The following TPD52 variants were observed in gnomAD, a reference collection of about 807,000 sequenced individuals.
The protein encoded by TPD52 is tumor protein D52, also known as prostate and colon associated protein.
TPD52 carries 17 observed loss-of-function variants against 31.3 expected under a neutral mutation model. The observed-to-expected ratio is 0.54, with a 90% CI of 0.37 to 0.82. TPD52 has a LOEUF of 0.82. Among genes scored for constraint, TPD52 ranks in the 40% least tolerant of loss-of-function variants. The pLI, the probability that TPD52 is intolerant of heterozygous loss-of-function variation, is 0.00. For missense variants in TPD52, 212 were observed against 240.1 expected, an observed-to-expected ratio of 0.88 and a Z score of 0.77; for synonymous variants, 83 against 89.6, an observed-to-expected ratio of 0.93 and a Z score of 0.42.
intron 2 of TPD52, among the ~76,000 whole-genome samples, chr8:80,055,149 T>C (rs751224019): frequency 6.6e-6 from 1 of 152,158 alleles, no homozygotes; most frequent in Non-Finnish European, 1.5e-5. Context: ...TAGACTTAAA[T>C]GGTAAGTTTC....
rs187666584 is a variant in TPD52, at chr8:80,163,239, G to C, written c.19+8186C>G. On this transcript the variant is annotated intron_variant, in intron 1 of 7. Transcript: ENST00000518937. ...GAAGCAACCTTAATTTCCACTGATA[G>C]ATAAATAATAAAGAAAATGTAGTAC... is the stretch of plus-strand genomic sequence containing the variant. Among the ~76,000 whole-genome samples, 196 of 152,206 alleles carry C rather than the reference G, an allele frequency of 1.3e-3. 1 individual carries two copies. The highest frequency in any genetic ancestry group is 4.5e-3 in the African/African-American group (188 of 41,530).
chr8:80,092,245 C>T (rs766123621), intron 1 of TPD52, among the ~76,000 whole-genome samples: 1 of 152,106 alleles, frequency 6.6e-6, no homozygotes, highest in African/African-American at 2.4e-5. Context: ...ACACTGCTAT[C>T]GAACATTAGA....
rs34611433 is a variant in TPD52 at position 80,040,185 on chromosome 8, CTTTTTTTT to C, written c.505-1958_505-1951del. Among the ~76,000 whole-genome samples the C allele has an allele frequency of 7.3e-5, 7 of 95,686 alleles. No individual in the cohort carries two copies. The South Asian group carries it at 9.5e-4, about 13-fold the overall frequency. The allele number at this position is 95,686 out of a possible 152,430, so 62.8% of individuals were successfully genotyped here. On this transcript the variant is annotated intron_variant, in intron 7 of 7. Coordinates refer to ENST00000518937, the MANE Select transcript of TPD52 (RefSeq NM_001025253.3). ...TGGGGTATCTGTTTAATACGCTATC[CTTTTTTTT>C]TTTTTTTTTTTTTTTTTTTGAGACA... is the stretch of plus-strand genomic sequence containing the variant.
chr8:80,139,262 C>T (rs908583237), intron 1 of TPD52, among the ~76,000 whole-genome samples: 2 of 152,096 alleles, frequency 1.3e-5, no homozygotes, highest in Non-Finnish European at 1.5e-5. Flanking sequence ...AGAAATAATT[C>T]GCATACTATA....
At chr8:80,100,661 A>G (rs1476058083) in intron 1 of TPD52, among the ~76,000 whole-genome samples, 1 of 152,254 alleles carries the variant, frequency 6.6e-6, no homozygotes, top group Non-Finnish European at 1.5e-5. Flanking sequence ...GAGGCTAAGT[A>G]AGAGGTCCCA....
In TPD52 at chr8:80,053,409, G is replaced by C; in HGVS notation, c.157C>G (p.Leu53Val). 6.2e-7 allele frequency: 1 copy of C among 1,613,344 alleles called. No homozygotes were observed. The highest frequency in any genetic ancestry group is 8.5e-7 in the Non-Finnish European group (1 of 1,179,574). Residue 53 changes from leucine to valine, a missense_variant, in exon 3 of 8, where the codon CTG (leucine) becomes GTG (valine). Coordinates refer to ENST00000518937, the MANE Select transcript of TPD52 (RefSeq NM_001025253.3). ...TCTTTTGCTGCTAACACTTGAGACA[G>C]AGTCTGGATTTCTTCTTCTACCTAT... ...LAKVEEEIQT[L>V]SQVLAAKEKH... is the part of the protein sequence containing the mutation.
chr8:80,144,552 G>A (rs1253028860), intron 1 of TPD52, among the ~76,000 whole-genome samples: 1 of 152,180 alleles, frequency 6.6e-6, no homozygotes, highest in Non-Finnish European at 1.5e-5. Flanking sequence ...CGCTATGAAA[G>A]ATAACAGATA....
At chr8:80,050,229 C>T in intron 5 of TPD52, 1 of 403,870 alleles carries the variant, frequency 2.5e-6, no homozygotes, top group Admixed American at 4.4e-5. Flanking sequence ...TCCCTTGAAC[C>T]ACAGTGTCAA....
Position 80,072,796 on chromosome 8 carries a change from C to CATATAT in TPD52, c.20-8204_20-8203insATATAT, listed in dbSNP as rs1465964502. Among the ~76,000 whole-genome samples, 960 of 142,222 alleles carry CATATAT rather than the reference C, an allele frequency of 6.8e-3. 63 individuals are homozygous for CATATAT. The highest frequency in any genetic ancestry group is 0.026 in the African/African-American group (858 of 33,142). The allele number at this position is 142,222 out of a possible 152,430, so 93.3% of individuals were successfully genotyped here. ...ATATATATACACATACACACACACA[C>CATATAT]ACATATATATATATATATAAACTTG... On this transcript the variant is annotated intron_variant, in intron 1 of 7. Transcript: ENST00000518937.
chr8:80,105,081 AT>A (rs1807009290), intron 1 of TPD52, among the ~76,000 whole-genome samples: 1 of 151,946 alleles, frequency 6.6e-6, no homozygotes, highest in African/African-American at 2.4e-5. Context: ...AATAAGAAAA[AT>A]TTTTTAAAAG....
intron 1 of TPD52, among the ~76,000 whole-genome samples, chr8:80,087,219 T>C (rs886155098): frequency 2.0e-5 from 3 of 152,176 alleles, no homozygotes; most frequent in Non-Finnish European, 4.4e-5. Flanking sequence ...GTGTGTGCCA[T>C]AGTGGTTTGC....
chr8:80,064,956 A>C, intron 1 of TPD52: 2 of 411,542 alleles, frequency 4.9e-6, no homozygotes, highest in Non-Finnish European at 9.5e-6. Flanking sequence ...GAAAGATTTT[A>C]GCTCCTTCCC....
intron 1 of TPD52, among the ~76,000 whole-genome samples, chr8:80,146,252 C>T (rs1435136122): frequency 1.3e-5 from 2 of 152,300 alleles, no homozygotes; most frequent in Admixed American, 1.3e-4. Context: ...GGATGTATAG[C>T]CCCTGGAAGT....
chr8:80,154,418 G>A (rs1315566292), intron 1 of TPD52, among the ~76,000 whole-genome samples: 2 of 152,186 alleles, frequency 1.3e-5, no homozygotes, highest in East Asian at 3.9e-4. Flanking sequence ...CAATACTACA[G>A]AGGTCTATGT....
intron 7 of TPD52, among the ~76,000 whole-genome samples, chr8:80,039,062 A>G (rs1009701101): frequency 1.4e-4 from 21 of 152,222 alleles, no homozygotes; most frequent in Admixed American, 6.5e-4. Flanking sequence ...GTGACCATGG[A>G]TGCAAGAAGC....
At chr8:80,151,567 C>T (rs929853590) in intron 1 of TPD52, among the ~76,000 whole-genome samples, 1 of 152,172 alleles carries the variant, frequency 6.6e-6, no homozygotes, top group East Asian at 1.9e-4. Flanking sequence ...CAGTAGATCC[C>T]CAAAAAAAGA....
intron 4 of TPD52, 130 bp downstream of exon 4, chr8:80,051,397 G>T: frequency 1.3e-6 from 1 of 781,036 alleles, no homozygotes; most frequent in South Asian, 1.6e-5. Flanking sequence ...CTGGTTTGAA[G>T]GAGTGCCCTC....
intron 1 of TPD52, among the ~76,000 whole-genome samples, chr8:80,117,019 G>T (rs963974112): frequency 6.6e-6 from 1 of 152,112 alleles, no homozygotes; most frequent in African/African-American, 2.4e-5. Context: ...TTGATAAAGG[G>T]TGTCTATGGA....
chr8:80,057,214 AAGCT>A (rs1338530904), intron 2 of TPD52, among the ~76,000 whole-genome samples: 1 of 152,080 alleles, frequency 6.6e-6, no homozygotes, highest in Non-Finnish European at 1.5e-5. Flanking sequence ...TCCATACAAA[AAGCT>A]GTACACAATT....
Sources: gnomAD v4.1 joint callset for allele counts (sites outside exome capture counted in the v4.1 genomes callset) on GRCh38, gnomAD v4.1.1 for gene constraint, MANE v1.5 for transcripts, NCBI Gene and HGNC (gene_info 2026-07-23, HGNC 2026-07-21) for gene names.